The following TMEM132B variants were observed in gnomAD, a reference collection of about 807,000 sequenced individuals.
TMEM132B encodes transmembrane protein 132B.
TMEM132B carries 18 observed loss-of-function variants against 90.8 expected under a neutral mutation model. That is an observed-to-expected ratio of 0.20 (90% CI 0.14 to 0.29). The LOEUF is 0.29. Among genes scored for constraint, TMEM132B ranks in the 10% least tolerant of loss-of-function variants. TMEM132B has a pLI of 1.00. For synonymous variants in TMEM132B, 504 were observed against 523.3 expected, an observed-to-expected ratio of 0.96 and a Z score of 0.50; for missense variants, 1,096 against 1,326.8, an observed-to-expected ratio of 0.83 and a Z score of 2.70.
At chr12:125,430,819 AAGCT>A (rs1377124937) in intron 3 of TMEM132B, among the ~76,000 whole-genome samples, 1 of 152,192 alleles carries the variant, frequency 6.6e-6, no homozygotes, top group African/African-American at 2.4e-5. Context: ...GTGGTGATAA[AAGCT>A]AACAAGAAAA....
chr12:125,335,998 AT>A (rs1183629143), intron 1 of TMEM132B, among the ~76,000 whole-genome samples: 1 of 152,146 alleles, frequency 6.6e-6, no homozygotes, highest in African/African-American at 2.4e-5. Context: ...AAGGAAAAAA[AT>A]TATTTTCAGT....
intron 1 of TMEM132B, among the ~76,000 whole-genome samples, chr12:125,340,364 A>G (rs1312898479): frequency 1.3e-5 from 2 of 152,152 alleles, no homozygotes; most frequent in African/African-American, 2.4e-5. Context: ...TCAGATTCTC[A>G]CTTCACATTA....
chr12:125,639,575 A>T (rs984335317), intron 5 of TMEM132B, among the ~76,000 whole-genome samples: 5 of 152,264 alleles, frequency 3.3e-5, no homozygotes, highest in Admixed American at 3.3e-4. Context: ...TAGATAAGAA[A>T]CAACCAGGAG....
At chr12:125,517,382 C>T (rs915807861) in intron 3 of TMEM132B, among the ~76,000 whole-genome samples, 6 of 118,124 alleles carry the variant, frequency 5.1e-5, no homozygotes, top group Admixed American at 2.3e-4. Flanking sequence ...TTAGTAGAGA[C>T]GGGGTTTCAC....
At chr12:125,639,241 G>A (rs116100412) in intron 5 of TMEM132B, among the ~76,000 whole-genome samples, 17 of 152,290 alleles carry the variant, frequency 1.1e-4, no homozygotes, top group African/African-American at 4.1e-4. Flanking sequence ...TGACCACTGG[G>A]AATCCAAGGC....
intron 1 of TMEM132B, among the ~76,000 whole-genome samples, chr12:125,296,380 A>G (rs1285971246): frequency 6.6e-6 from 1 of 152,090 alleles, no homozygotes; most frequent in East Asian, 1.9e-4. Context: ...CATCCTTTTA[A>G]GTCTCTGCCC....
chr12:125,589,389 G>C (rs924520277), intron 5 of TMEM132B, among the ~76,000 whole-genome samples: 4 of 148,946 alleles, frequency 2.7e-5, no homozygotes, highest in African/African-American at 9.9e-5. Context: ...GGCTGAGGCA[G>C]GAGAATGGCG....
chr12:125,572,052 A>G (rs189466918), intron 4 of TMEM132B, among the ~76,000 whole-genome samples: 4 of 152,348 alleles, frequency 2.6e-5, no homozygotes, highest in African/African-American at 7.2e-5. Context: ...GAAATGGACA[A>G]AATGTGCCAT....
intron 1 of TMEM132B, among the ~76,000 whole-genome samples, chr12:125,259,457 C>G (rs180749449): frequency 6.6e-6 from 1 of 152,154 alleles, no homozygotes; most frequent in South Asian, 2.1e-4. Context: ...TAGAGAAAAG[C>G]CCAGCAATGT....
chr12:125,449,085 G>A (rs1403377820), intron 3 of TMEM132B, among the ~76,000 whole-genome samples: 1 of 150,332 alleles, frequency 6.7e-6, no homozygotes. Context: ...TTCTGCCTCA[G>A]CCTCCTGAGT....
intron 3 of TMEM132B, among the ~76,000 whole-genome samples, chr12:125,450,630 G>A (rs1023402176): frequency 6.6e-6 from 1 of 152,162 alleles, no homozygotes; most frequent in Non-Finnish European, 1.5e-5. Flanking sequence ...TAAAGATTGT[G>A]TCAGGCACAA....
chr12:125,526,136 C>A (rs1292138884), intron 4 of TMEM132B, among the ~76,000 whole-genome samples: 4 of 150,554 alleles, frequency 2.7e-5, no homozygotes, highest in Non-Finnish European at 1.5e-5. Context: ...GCCCAGCTAC[C>A]CCGTTACCAG....
intron 1 of TMEM132B, among the ~76,000 whole-genome samples, chr12:125,297,237 AG>A (rs1875694063): frequency 6.6e-6 from 1 of 152,190 alleles, no homozygotes; most frequent in East Asian, 1.9e-4. Flanking sequence ...TCCCCTTGGA[AG>A]GGGATCGTCT....
chr12:125,343,928 C>A (rs931863125), intron 1 of TMEM132B, among the ~76,000 whole-genome samples: 2 of 152,138 alleles, frequency 1.3e-5, no homozygotes, highest in Non-Finnish European at 2.9e-5. Flanking sequence ...TGGGAAGAAG[C>A]CAGAGAGAAA....
intron 2 of TMEM132B, among the ~76,000 whole-genome samples, chr12:125,380,834 C>A (rs940542879): frequency 9.2e-5 from 14 of 152,190 alleles, no homozygotes; most frequent in African/African-American, 3.4e-4. Flanking sequence ...CTTTGTGTGA[C>A]CCTGATCCCT....
chr12:125,402,567 A>C (rs1879350516), intron 2 of TMEM132B, among the ~76,000 whole-genome samples: 1 of 152,242 alleles, frequency 6.6e-6, no homozygotes, highest in Non-Finnish European at 1.5e-5. Context: ...CTACTATTAC[A>C]AGATATGCAA....
chr12:125,331,855 A>G (rs1394645534), intron 1 of TMEM132B, among the ~76,000 whole-genome samples: 2 of 152,100 alleles, frequency 1.3e-5, no homozygotes, highest in Admixed American at 6.5e-5. Flanking sequence ...CCGGGCTCTA[A>G]CGATCCTCCC....
intron 4 of TMEM132B, among the ~76,000 whole-genome samples, chr12:125,568,982 G>A (rs1276697124): frequency 2.0e-5 from 3 of 152,206 alleles, no homozygotes; most frequent in African/African-American, 2.4e-5. Context: ...GCGGTCAAGA[G>A]CATGTGTTTT....
At chr12:125,647,767 C>T (rs925421520) in intron 6 of TMEM132B, among the ~76,000 whole-genome samples, 5 of 152,070 alleles carry the variant, frequency 3.3e-5, no homozygotes, top group African/African-American at 9.7e-5. Flanking sequence ...AGTAAAAACA[C>T]TGTTAAATAG....
Sources: gnomAD v4.1 joint callset for allele counts (sites outside exome capture counted in the v4.1 genomes callset) on GRCh38, gnomAD v4.1.1 for gene constraint, MANE v1.5 for transcripts, NCBI Gene and HGNC (gene_info 2026-07-23, HGNC 2026-07-21) for gene names.